Variants in SLC24A4 observed in about 807,000 individuals in gnomAD.
The protein encoded by SLC24A4 is solute carrier family 24 member 4, also known as sodium/potassium/calcium exchanger 4.
Under a neutral mutation model 79.0 loss-of-function variants are expected in SLC24A4, and 53 were observed. The ratio of observed to expected loss-of-function variants is 0.67; its 90% CI spans 0.54 to 0.84. The LOEUF is 0.84. Among genes scored for constraint, SLC24A4 ranks in the 40% least tolerant of loss-of-function variants. The pLI, the probability that SLC24A4 is intolerant of heterozygous loss-of-function variation, is 0.00. For missense variants in SLC24A4, 731 were observed against 822.0 expected (o/e 0.89, Z 1.35); for synonymous variants, 323 against 323.8 (o/e 1.00, Z 0.03).
chr14:92,331,680 G>T (rs555339224), intron 2 of SLC24A4, among the ~76,000 whole-genome samples: 5 of 152,284 alleles, frequency 3.3e-5, no homozygotes, highest in African/African-American at 1.2e-4. Context: ...CATAATACGT[G>T]CTTCACTTTT....
chr14:92,383,940 A>T (rs1460412406), intron 2 of SLC24A4, among the ~76,000 whole-genome samples: 1 of 152,232 alleles, frequency 6.6e-6, no homozygotes, highest in Admixed American at 6.5e-5. Flanking sequence ...GCGGGACAGC[A>T]TGCTTTCAGC....
chr14:92,453,373 C>T (rs1893260087), intron 10 of SLC24A4: 2 of 152,524 alleles, frequency 1.3e-5, no homozygotes, highest in African/African-American at 2.4e-5. Context: ...AGCATTCTGT[C>T]CTGCAGACAG....
chr14:92,362,674 C>T (rs12894104), intron 2 of SLC24A4, among the ~76,000 whole-genome samples: 135,091 of 152,242 alleles, frequency 0.89, 62,150 homozygotes, highest in East Asian at 1. Context: ...CCACTCACCC[C>T]GTCACAGTGA....
chr14:92,327,489 G>A (rs901941244), intron 2 of SLC24A4, among the ~76,000 whole-genome samples: 2 of 152,234 alleles, frequency 1.3e-5, no homozygotes, highest in Non-Finnish European at 2.9e-5. Context: ...TTAATGCTGG[G>A]GGCCGTTCCC....
rs746264814 is a variant in SLC24A4 at position 92,449,213 on chromosome 14, C to T, written c.877C>T (p.Gln293Ter). ...TGACCCTTCCGTGCCATTGCTGGGG[C>T]AAGGTAAGGCTGAGCAGACAGGAGT... ...YDDPSVPLLG[Q>*]VKEKPQYGKN... The change falls in exon 10 of 17, where the codon CAA (glutamine) becomes TAA (stop). Residue 293 changes from glutamine (Q) to a stop codon, truncating the protein, a stop_gained. Transcript: ENST00000532405. LOFTEE classifies it high-confidence loss of function. 1 of 1,613,820 alleles carries T rather than the reference C, an allele frequency of 6.2e-7. No individual in the cohort carries two copies. Among genetic ancestry groups the T allele is most frequent in the South Asian group, 1.1e-5 (1 of 91,066 alleles).
intron 2 of SLC24A4, among the ~76,000 whole-genome samples, chr14:92,414,648 G>A (rs755452023): frequency 6.6e-6 from 1 of 152,178 alleles, no homozygotes; most frequent in Non-Finnish European, 1.5e-5. Flanking sequence ...GCTGAGGTGG[G>A]AGGATTGCTT....
intron 2 of SLC24A4, among the ~76,000 whole-genome samples, chr14:92,391,958 C>T (rs544244235): frequency 6.6e-6 from 1 of 152,180 alleles, no homozygotes; most frequent in Non-Finnish European, 1.5e-5. Context: ...AAGTGAGAAC[C>T]ACGCTTCCTG....
chr14:92,428,871 C>T (rs986682260), intron 2 of SLC24A4, among the ~76,000 whole-genome samples: 5 of 152,116 alleles, frequency 3.3e-5, no homozygotes, highest in East Asian at 1.9e-4. Context: ...TGGGATCACC[C>T]GACAATATGG....
In SLC24A4 at chr14:92,400,228, C is replaced by A. The variant is rs202243484; in HGVS notation, c.242-33684C>A. Among the ~76,000 whole-genome samples the A allele has an allele frequency of 1.1e-3, 160 of 152,172 alleles. 5 individuals are homozygous for A. In the East Asian group the frequency reaches 0.016, roughly 16 times the overall value. ...GGCCAAGGCGGGCAGATCACGAGGT[C>A]AGGAGATCGAGAACATCCAGGCCAA... is the stretch of plus-strand genomic sequence containing the variant. On this transcript the variant is annotated intron_variant, in intron 2 of 16. Coordinates refer to ENST00000532405, the MANE Select transcript of SLC24A4 (RefSeq NM_153646.4).
intron 2 of SLC24A4, among the ~76,000 whole-genome samples, chr14:92,337,300 C>T (rs1035320648): frequency 6.6e-6 from 1 of 152,184 alleles, no homozygotes; most frequent in Non-Finnish European, 1.5e-5. Flanking sequence ...TCTTTCCCTT[C>T]TTGCCTTTGA....
At chr14:92,408,791 G>A (rs527983297) in intron 2 of SLC24A4, among the ~76,000 whole-genome samples, 1 of 152,212 alleles carries the variant, frequency 6.6e-6, no homozygotes, top group East Asian at 1.9e-4. Context: ...ATCTATACTT[G>A]TTCCCCCAAC....
chr14:92,430,031 C>T (rs890737891), intron 2 of SLC24A4, among the ~76,000 whole-genome samples: 6 of 152,340 alleles, frequency 3.9e-5, no homozygotes, highest in South Asian at 2.1e-4. Context: ...CAGGCACGTC[C>T]GTGACGCTCT....
At chr14:92,484,920 A>T in intron 13 of SLC24A4, 1 of 977,664 alleles carries the variant, frequency 1.0e-6, no homozygotes. Flanking sequence ...GTGATTTCTT[A>T]TAGTGCCCTT....
At chr14:92,410,380 A>C (rs933780269) in intron 2 of SLC24A4, among the ~76,000 whole-genome samples, 1 of 152,150 alleles carries the variant, frequency 6.6e-6, no homozygotes, top group Non-Finnish European at 1.5e-5. Flanking sequence ...GAGTCTTCTT[A>C]TGTTGCCCAG....
intron 2 of SLC24A4, among the ~76,000 whole-genome samples, chr14:92,395,413 T>TCAAAACAAAA (rs967915367): frequency 4.2e-5 from 6 of 141,600 alleles, no homozygotes; most frequent in Non-Finnish European, 9.0e-5. Context: ...CAGGGATGAT[T>TCAAAACAAAA]CAAAACAAAA....
intron 2 of SLC24A4, among the ~76,000 whole-genome samples, chr14:92,360,067 C>T (rs936028470): frequency 2.0e-5 from 3 of 152,112 alleles, no homozygotes; most frequent in Non-Finnish European, 4.4e-5. Context: ...TATAGGTGTG[C>T]ACCACCATGC....
chr14:92,343,776 C>T (rs1000429622), intron 2 of SLC24A4, among the ~76,000 whole-genome samples: 2 of 151,022 alleles, frequency 1.3e-5, no homozygotes, highest in Non-Finnish European at 2.9e-5. Flanking sequence ...GATCTTGGCT[C>T]ACTGCATCCT....
chr14:92,343,596 CTTTCT>C (rs1886299316), intron 2 of SLC24A4, among the ~76,000 whole-genome samples: 1 of 137,962 alleles, frequency 7.2e-6, no homozygotes, highest in African/African-American at 2.7e-5. Flanking sequence ...TTCTTTCTTT[CTTTCT>C]TTCTTTCTTT....
chr14:92,428,308 C>A (rs1891677839), intron 2 of SLC24A4, among the ~76,000 whole-genome samples: 1 of 152,198 alleles, frequency 6.6e-6, no homozygotes, highest in African/African-American at 2.4e-5. Context: ...GTTGGCAGAA[C>A]CTACTTCACA....
Sources: gnomAD v4.1 joint callset for allele counts (sites outside exome capture counted in the v4.1 genomes callset) on GRCh38, gnomAD v4.1.1 for gene constraint, MANE v1.5 for transcripts, NCBI Gene and HGNC (gene_info 2026-07-23, HGNC 2026-07-21) for gene names.